Variants in AOPEP observed in about 807,000 individuals in gnomAD.
The protein encoded by AOPEP is aminopeptidase O.
In AOPEP, 77 loss-of-function variants were observed where a neutral mutation model predicts 98.1. The observed-to-expected ratio is 0.78, with a 90% CI of 0.65 to 0.95. The LOEUF (loss-of-function observed/expected upper bound fraction) is 0.95, where lower values mean the gene tolerates loss of function less well. Among genes scored for constraint, AOPEP ranks in the 40% least tolerant of loss-of-function variants. The pLI, the probability that AOPEP is intolerant of heterozygous loss-of-function variation, is 0.00. For missense variants in AOPEP, 1,024 were observed against 1,024.7 expected (o/e 1.00, Z 0.01); for synonymous variants, 346 against 365.3 (o/e 0.95, Z 0.60).
intron 5 of AOPEP, among the ~76,000 whole-genome samples, chr9:94,911,648 T>A (rs895593131): frequency 5.9e-5 from 9 of 152,126 alleles, no homozygotes; most frequent in African/African-American, 2.2e-4. Context: ...AGAAATTTTT[T>A]AAAAAAAGCT....
At chr9:95,029,586 C>T (rs73657030) in intron 13 of AOPEP, among the ~76,000 whole-genome samples, 2,378 of 152,264 alleles carry the variant, frequency 0.016, 65 homozygotes, top group African/African-American at 0.054. Flanking sequence ...GTTAGCAGCT[C>T]CTGTTTCAGC....
intron 5 of AOPEP, among the ~76,000 whole-genome samples, chr9:94,823,685 G>C (rs114779142): frequency 0.022 from 3,342 of 151,998 alleles, 125 homozygotes; most frequent in African/African-American, 0.076. Context: ...TGAGCAAGCT[G>C]TCTGGGAGCG....
chr9:94,969,414 T>G (rs893790252), intron 10 of AOPEP, among the ~76,000 whole-genome samples: 1 of 151,710 alleles, frequency 6.6e-6, no homozygotes. Context: ...AAACATAATT[T>G]CTTTTTTTTT....
At chr9:95,035,157 C>G (rs1386542523) in intron 13 of AOPEP, among the ~76,000 whole-genome samples, 6 of 148,162 alleles carry the variant, frequency 4.0e-5, no homozygotes, top group Non-Finnish European at 8.9e-5. Context: ...GTGTGATGTT[C>G]CCCACCCTGT....
At chr9:95,073,913 AAGTGTTGGGAAAT>A (rs1363759055) in intron 14 of AOPEP, among the ~76,000 whole-genome samples, 2 of 152,220 alleles carry the variant, frequency 1.3e-5, no homozygotes, top group Non-Finnish European at 1.5e-5. Flanking sequence ...TAGTGAAGGA[AAGTGTTGGGAAAT>A]AACACTTTGA....
chr9:95,125,077 A>AT, the AOPEP span: 1 of 1,611,616 alleles, frequency 6.2e-7, no homozygotes, highest in South Asian at 1.1e-5. Context: ...TATATGTGAT[A>AT]TAACAAACCT....
At chr9:94,868,481 A>G (rs1359177995) in intron 5 of AOPEP, among the ~76,000 whole-genome samples, 10 of 152,214 alleles carry the variant, frequency 6.6e-5, no homozygotes. Flanking sequence ...GTTCATGGGC[A>G]TTTTGACTGC....
chr9:95,059,912 TGGC>T (rs1462663326), intron 13 of AOPEP, among the ~76,000 whole-genome samples: 1 of 152,254 alleles, frequency 6.6e-6, no homozygotes, highest in Non-Finnish European at 1.5e-5. Context: ...CCACCAGGCC[TGGC>T]CCTGCTGTTG....
chr9:94,913,508 T>C (rs1185452924), intron 5 of AOPEP, among the ~76,000 whole-genome samples: 1 of 152,184 alleles, frequency 6.6e-6, no homozygotes, highest in Non-Finnish European at 1.5e-5. Context: ...GATTAGGAAA[T>C]ATGCTGTTAT....
chr9:94,918,611 C>T (rs955992239), intron 5 of AOPEP, among the ~76,000 whole-genome samples: 2 of 152,172 alleles, frequency 1.3e-5, no homozygotes, highest in African/African-American at 2.4e-5. Flanking sequence ...GCTGTGTGAC[C>T]TTGGGCTAGT....
At chr9:94,744,244 T>A (rs1197615643) in intron 1 of AOPEP, among the ~76,000 whole-genome samples, 1 of 151,796 alleles carries the variant, frequency 6.6e-6, no homozygotes, top group Non-Finnish European at 1.5e-5. Context: ...TACAAAAAAT[T>A]AGCTGGGTGT....
chr9:94,741,951 A>T (rs1833235140), intron 1 of AOPEP, among the ~76,000 whole-genome samples: 1 of 152,194 alleles, frequency 6.6e-6, no homozygotes, highest in Admixed American at 6.5e-5. Flanking sequence ...TTCCATTTAC[A>T]ACTCAGCACT....
At chr9:94,945,972 T>A (rs183185130) in intron 7 of AOPEP, among the ~76,000 whole-genome samples, 4 of 152,184 alleles carry the variant, frequency 2.6e-5, no homozygotes, top group African/African-American at 9.7e-5. Context: ...ATGATCACCT[T>A]AACCCTGATA....
chr9:94,797,367 G>A (rs1296724319), intron 4 of AOPEP, among the ~76,000 whole-genome samples: 1 of 151,034 alleles, frequency 6.6e-6, no homozygotes, highest in Admixed American at 6.6e-5. Flanking sequence ...GGAGTCGGAG[G>A]TTGCAGTGAG....
chr9:95,057,747 C>A (rs1460270681), intron 13 of AOPEP, among the ~76,000 whole-genome samples: 1 of 152,174 alleles, frequency 6.6e-6, no homozygotes, highest in Non-Finnish European at 1.5e-5. Flanking sequence ...CTACATTTCC[C>A]CCCATGAGTT....
At chr9:94,935,010 C>A (rs972211163) in intron 7 of AOPEP, 2 of 152,106 alleles carry the variant, frequency 1.3e-5, no homozygotes, top group Non-Finnish European at 2.9e-5. Flanking sequence ...GCTGTGTGTC[C>A]CCGCCCAAAT....
At position 94,765,276 on chromosome 9, in the gene AOPEP, C is replaced by A. The variant is rs184402542; in HGVS notation, c.797+4696C>A. Among the ~76,000 whole-genome samples, 12 of 151,748 alleles carry A rather than the reference C, an allele frequency of 7.9e-5. No individual in the cohort carries two copies. The East Asian group carries it at 2.3e-3, about 29-fold the overall frequency. On this transcript the variant is annotated intron_variant, in intron 2 of 16. Transcript: ENST00000375315. ...CTGACTGCGCCCAGCCTTATCTTTTCAATTTTTAAAATCTAAAACTGTTTT... is the reference window on the plus strand; with the variant it reads ...CTGACTGCGCCCAGCCTTATCTTTTAAATTTTTAAAATCTAAAACTGTTTT...
intron 5 of AOPEP, among the ~76,000 whole-genome samples, chr9:94,849,697 T>TC (rs1367591169): frequency 1.3e-5 from 2 of 151,990 alleles, no homozygotes; most frequent in African/African-American, 4.8e-5. Context: ...GCAACCTAGA[T>TC]CCCTCTCATG....
intron 13 of AOPEP, chr9:95,006,001 C>T: frequency 2.1e-6 from 1 of 483,850 alleles, no homozygotes; most frequent in Non-Finnish European, 4.2e-6. Context: ...CTCACCTAGA[C>T]TTTAAATTGG....
Sources: allele counts gnomAD v4.1 joint callset (sites outside exome capture counted in the v4.1 genomes callset), GRCh38; gene constraint gnomAD v4.1.1; transcripts MANE v1.5; gene names NCBI Gene and HGNC (gene_info 2026-07-23, HGNC 2026-07-21).